The following USP24 variants were observed in gnomAD, a reference collection of about 807,000 sequenced individuals.
USP24 encodes the protein ubiquitin specific peptidase 24, also known as ubiquitin carboxyl-terminal hydrolase 24.
In USP24, 97 loss-of-function variants were observed where a neutral mutation model predicts 361.6. That is an observed-to-expected ratio of 0.27 (90% CI 0.23 to 0.32). The LOEUF (loss-of-function observed/expected upper bound fraction) is 0.32. Among genes scored for constraint, USP24 ranks in the 10% least tolerant of loss-of-function variants. The pLI, the probability that USP24 is intolerant of heterozygous loss-of-function variation, is 1.00. For missense variants in USP24, 2,353 were observed against 3,165.6 expected (o/e 0.74, Z 6.16); for synonymous variants, 1,098 against 1,124.6 (o/e 0.98, Z 0.47).
At chr1:55,158,816 T>C in intron 10 of USP24, 62 bp downstream of exon 10, 2 of 1,279,314 alleles carry the variant, frequency 1.6e-6, no homozygotes, top group Non-Finnish European at 2.0e-6. Context: ...TTAATAAGCA[T>C]ACATCTTGGC....
intron 34 of USP24, among the ~76,000 whole-genome samples, 194 bp downstream of exon 34, chr1:55,125,126 G>C (rs1646390314): frequency 6.6e-6 from 1 of 152,102 alleles, no homozygotes; most frequent in Non-Finnish European, 1.5e-5. Context: ...TTGTCTTGTA[G>C]TTTTACAACA....
At chr1:55,168,714 C>T (rs1297899388) in intron 5 of USP24, among the ~76,000 whole-genome samples, 1 of 152,174 alleles carries the variant, frequency 6.6e-6, no homozygotes, top group Admixed American at 6.6e-5. Context: ...GAAAAAAATT[C>T]TCCAAGAATT....
chr1:55,166,706 A>G (rs1184910118), intron 5 of USP24, 103 bp from the exon 6 acceptor site: 2 of 1,157,016 alleles, frequency 1.7e-6, no homozygotes, highest in Non-Finnish European at 1.2e-6. Context: ...AAAAATTATA[A>G]AAGTTTGGAA....
chr1:55,070,053 T>C (rs1056214896), intron 67 of USP24, among the ~76,000 whole-genome samples: 4 of 151,540 alleles, frequency 2.6e-5, no homozygotes, highest in Admixed American at 1.3e-4. Context: ...CTTACAGATG[T>C]AGGCAGAGAG....
chr1:55,138,860 C>T (rs1646810340), intron 25 of USP24, 84 bp downstream of exon 25: 3 of 1,459,422 alleles, frequency 2.1e-6, no homozygotes, highest in Admixed American at 1.9e-5. Flanking sequence ...GTGCTAAACT[C>T]CCAGCTGCTA....
At chr1:55,208,753 T>C (rs1644774672) in intron 1 of USP24, among the ~76,000 whole-genome samples, 1 of 151,810 alleles carries the variant, frequency 6.6e-6, no homozygotes, top group South Asian at 2.1e-4. Flanking sequence ...CTGGCCAACA[T>C]GGTGAAACCC....
At chr1:55,101,774 T>C (rs890496291) in intron 42 of USP24, 71 bp from the exon 43 acceptor site, 11 of 1,462,898 alleles carry the variant, frequency 7.5e-6, no homozygotes, top group Middle Eastern at 1.8e-4. Flanking sequence ...ATTTACACTA[T>C]AGCTATGCGG....
chr1:55,178,728 T>TAAATAAAA (rs1553167517), intron 1 of USP24, among the ~76,000 whole-genome samples: 25 of 85,180 alleles, frequency 2.9e-4, no homozygotes, highest in African/African-American at 1.1e-3. Context: ...AATAAATAAA[T>TAAATAAAA]AAAAAGAACT....
Position 55,214,808 on chromosome 1 carries a change from G to C in USP24, c.306C>G (p.His102Gln). Residue 102 changes from histidine to glutamine, a missense_variant, in exon 1 of 68, where the codon CAC becomes CAG. By Grantham distance (24) the His-to-Gln change is conservative (BLOSUM62 0). This residue lies in a region of USP24 where 253 missense variants were observed against 255.3 expected (regional missense o/e 0.99). Coordinates refer to ENST00000294383, the MANE Select transcript of USP24 (RefSeq NM_015306.3). ...TCCTCACCTCCGCGTCCACCACCTC[G>C]TGGTAGGCGGGCGGGGGGTCGAAGC... is the stretch of plus-strand genomic sequence containing the variant. ...GGGFDPPPAY[H>Q]EVVDAEKNDE... 8.2e-7 allele frequency: 1 copy of C among 1,221,810 alleles called. No individual in the cohort carries two copies. The allele number at this position is 1,221,810 out of a possible 1,614,324, so 75.7% of individuals were successfully genotyped here.
Position 55,212,604 on chromosome 1 carries a change from A to C in USP24, c.324+2186T>G, listed in dbSNP as rs77632153. ...TTTCCCACTGTGTACACCAAGGATG[A>C]CCAAGAAGTTCCATAGGTGGCATGC... On this transcript the variant is annotated intron_variant, in intron 1 of 67. Transcript: ENST00000294383. Among the ~76,000 whole-genome samples, 199 of 152,312 alleles carry C rather than the reference A, an allele frequency of 1.3e-3. 3 individuals carry two copies. The East Asian group carries it at 0.032, about 25-fold the overall frequency.
chr1:55,206,638 G>A (rs1644711743), intron 1 of USP24, among the ~76,000 whole-genome samples: 1 of 127,554 alleles, frequency 7.8e-6, no homozygotes, highest in Non-Finnish European at 1.6e-5. Flanking sequence ...TTGTGCCAGT[G>A]AATGGCAGAG....
At chr1:55,109,181 C>T (rs1181574482) in intron 39 of USP24, among the ~76,000 whole-genome samples, 3 of 152,040 alleles carry the variant, frequency 2.0e-5, no homozygotes, top group Admixed American at 6.5e-5. Flanking sequence ...TTCACCATGT[C>T]GGCCAGGCTG....
chr1:55,167,818 T>G (rs1434719661), intron 5 of USP24, among the ~76,000 whole-genome samples: 2 of 152,102 alleles, frequency 1.3e-5, no homozygotes, highest in Non-Finnish European at 2.9e-5. Context: ...TCTAGATAGA[T>G]GATGATGTTA....
At position 55,132,557 on chromosome 1, in the gene USP24, G is replaced by C. The variant is rs775261308; in HGVS notation, c.3525C>G (p.Leu1175=). Residue 1175 remains leucine (L), a synonymous_variant, in exon 31 of 68, where the codon CTC becomes CTG. Transcript: ENST00000294383. ...FAPGMSTFRV[L]YNLEVLSSKL... ...TTAGGTTTCTTACTTCTAAGTTGTA[G>C]AGCACTCTGAAGGTAGACATTCCCG... 1.4e-5 allele frequency: 23 copies of C among 1,613,078 alleles called. No individual in the cohort carries two copies. In the South Asian group the frequency reaches 2.3e-4, roughly 16 times the overall value.
At chr1:55,132,819 T>C (rs980581594) in intron 30 of USP24, 119 bp from the exon 31 acceptor site, 7 of 1,035,562 alleles carry the variant, frequency 6.8e-6, no homozygotes, top group Non-Finnish European at 9.3e-6. Context: ...ACCAATGCTA[T>C]TTTCTAAAAA....
chr1:55,075,970 G>C (rs191463675), intron 62 of USP24, among the ~76,000 whole-genome samples: 6 of 151,988 alleles, frequency 3.9e-5, no homozygotes, highest in South Asian at 2.1e-4. Flanking sequence ...TTGAAAAAAA[G>C]AAAACAAAAC....
intron 3 of USP24, among the ~76,000 whole-genome samples, chr1:55,173,385 G>C (rs1034184994): frequency 6.6e-6 from 1 of 152,036 alleles, no homozygotes; most frequent in African/African-American, 2.4e-5. Context: ...CTTATAATTA[G>C]ATACTTTCTT....
At chr1:55,209,041 A>C (rs1214603490) in intron 1 of USP24, among the ~76,000 whole-genome samples, 7 of 152,222 alleles carry the variant, frequency 4.6e-5, no homozygotes, top group Non-Finnish European at 8.8e-5. Flanking sequence ...TGATAACACT[A>C]AACAATAAAA....
chr1:55,092,180 T>C (rs1251629200), intron 53 of USP24, 54 bp from the exon 54 acceptor site: 1 of 1,160,464 alleles, frequency 8.6e-7, no homozygotes, highest in Non-Finnish European at 1.2e-6. Flanking sequence ...TTATAGATTA[T>C]TACACAGTTA....
Sources: allele counts gnomAD v4.1 joint callset (sites outside exome capture counted in the v4.1 genomes callset), GRCh38; gene constraint gnomAD v4.1.1; regional missense constraint gnomAD v4.1.1; transcripts MANE v1.5; gene names NCBI Gene and HGNC (gene_info 2026-07-23, HGNC 2026-07-21).